Variants in METTL15 observed in about 807,000 individuals in gnomAD.
METTL15 encodes the protein 12S rRNA N(4)-cytidine methyltransferase METTL15.
METTL15 carries 34 observed loss-of-function variants against 38.3 expected under a neutral mutation model. The observed-to-expected ratio is 0.89, with a 90% CI of 0.68 to 1.18. METTL15 has a LOEUF of 1.18. Among genes scored for constraint, METTL15 ranks in the 50% most tolerant of loss-of-function variants. METTL15 has a pLI of 0.00. For missense variants in METTL15, 438 were observed against 498.4 expected (o/e 0.88, Z 1.15); for synonymous variants, 162 against 170.9 (o/e 0.95, Z 0.41).
chr11:28,407,155 C>T (rs992282707), intron 5 of METTL15, among the ~76,000 whole-genome samples: 7 of 151,864 alleles, frequency 4.6e-5, no homozygotes, highest in Non-Finnish European at 8.8e-5. Flanking sequence ...ACACCTTATA[C>T]AAAAAATAAC....
intron 6 of METTL15, among the ~76,000 whole-genome samples, chr11:28,326,616 G>A (rs564221524): frequency 3.4e-4 from 52 of 151,586 alleles, no homozygotes; most frequent in African/African-American, 8.5e-4. Flanking sequence ...TCACTCTGTC[G>A]CCCAGGCTGG....
chr11:28,182,446 A>G (rs1851327143), intron 3 of METTL15, among the ~76,000 whole-genome samples: 1 of 152,122 alleles, frequency 6.6e-6, no homozygotes, highest in Non-Finnish European at 1.5e-5. Flanking sequence ...GGTGTAAGGA[A>G]GGGGTCCAGT....
At chr11:28,390,826 G>C (rs191580883) in intron 5 of METTL15, among the ~76,000 whole-genome samples, 47 of 152,240 alleles carry the variant, frequency 3.1e-4, no homozygotes, top group African/African-American at 1.1e-3. Context: ...GGGCAGTATA[G>C]CCATTTTCAT....
chr11:28,403,732 A>G (rs1368710250), intron 5 of METTL15, among the ~76,000 whole-genome samples: 1 of 152,112 alleles, frequency 6.6e-6, no homozygotes, highest in African/African-American at 2.4e-5. Context: ...GACTTCAGGA[A>G]CATGACTAAG....
At chr11:28,231,894 G>A (rs1482175643) in intron 4 of METTL15, among the ~76,000 whole-genome samples, 1 of 151,652 alleles carries the variant, frequency 6.6e-6, no homozygotes, top group Non-Finnish European at 1.5e-5. Flanking sequence ...AAGTATTGCT[G>A]TATCTTAACA....
In METTL15 at chr11:28,489,256, C is replaced by CA. The variant is rs553721473; in HGVS notation, c.*425-37221dup. Among the ~76,000 whole-genome samples, 5 of 152,270 alleles carry CA rather than the reference C, an allele frequency of 3.3e-5. No homozygotes were observed. In the South Asian group the frequency reaches 1.0e-3, roughly 32 times the overall value. ...TTTGGTACCCCAGCCCCTTCCTATG[C>CA]AGTGGATATCTTTGATTAATTGAAC... On this transcript the variant is annotated intron_variant and NMD_transcript_variant, in intron 6 of 7. Transcript: ENST00000532947.
intron 5 of METTL15, chr11:28,410,529 A>G (rs766030163): frequency 6.6e-6 from 1 of 152,152 alleles, no homozygotes; most frequent in Non-Finnish European, 1.5e-5. Flanking sequence ...ACACTTGATC[A>G]TCTCAATTGA....
intron 3 of METTL15, among the ~76,000 whole-genome samples, chr11:28,122,530 G>A (rs996223506): frequency 6.6e-6 from 1 of 150,680 alleles, no homozygotes; most frequent in African/African-American, 2.4e-5. Flanking sequence ...CCATAATGAC[G>A]GGTTAACATT....
chr11:28,253,491 T>C (rs551863699), intron 4 of METTL15, among the ~76,000 whole-genome samples: 1 of 152,306 alleles, frequency 6.6e-6, no homozygotes, highest in East Asian at 1.9e-4. Context: ...TTTTAAAATA[T>C]ACAATTAAGT....
intron 4 of METTL15, among the ~76,000 whole-genome samples, chr11:28,226,375 TAAAC>T (rs1389251989): frequency 1.3e-5 from 2 of 151,992 alleles, no homozygotes; most frequent in Non-Finnish European, 2.9e-5. Flanking sequence ...CAGAAAAGAT[TAAAC>T]AAACAAATTA....
chr11:28,460,349 G>C (rs1281594874), intron 6 of METTL15, among the ~76,000 whole-genome samples: 2 of 151,958 alleles, frequency 1.3e-5, no homozygotes, highest in Non-Finnish European at 2.9e-5. Context: ...TTCCTCCATT[G>C]TTACAGCTTG....
intron 3 of METTL15, among the ~76,000 whole-genome samples, chr11:28,139,944 G>A (rs991677930): frequency 9.2e-6 from 1 of 108,716 alleles, no homozygotes; most frequent in Non-Finnish European, 1.9e-5. Flanking sequence ...CTTTTGCCTA[G>A]GCCAGGGGTG....
intron 5 of METTL15, among the ~76,000 whole-genome samples, chr11:28,420,636 A>G (rs1470916956): frequency 6.6e-6 from 1 of 152,166 alleles, no homozygotes; most frequent in Non-Finnish European, 1.5e-5. Context: ...CAATGAAGAG[A>G]TTAATAAGAA....
chr11:28,310,914 CTGGTGGTGGTGGTGG>C (rs1176508624), intron 6 of METTL15, among the ~76,000 whole-genome samples: 3 of 110,128 alleles, frequency 2.7e-5, no homozygotes, highest in East Asian at 2.7e-4. Flanking sequence ...GCTGCTGCTG[CTGGTGGTGGTGGTGG>C]TGGTGGTGGT....
chr11:28,340,564 C>T (rs184089693), intron 3 of METTL15, among the ~76,000 whole-genome samples: 6 of 152,068 alleles, frequency 3.9e-5, no homozygotes, highest in Admixed American at 6.6e-5. Flanking sequence ...AACAAACATA[C>T]GAAAAAAACC....
intron 6 of METTL15, among the ~76,000 whole-genome samples, chr11:28,510,571 G>A (rs1479211561): frequency 2.0e-5 from 3 of 152,122 alleles, no homozygotes; most frequent in Non-Finnish European, 2.9e-5. Flanking sequence ...AATTTTGAAT[G>A]CTATGTGTCA....
At chr11:28,184,396 T>C (rs568060470) in intron 3 of METTL15, among the ~76,000 whole-genome samples, 4 of 152,052 alleles carry the variant, frequency 2.6e-5, no homozygotes, top group Non-Finnish European at 5.9e-5. Flanking sequence ...TGTGGGCATT[T>C]AATGCTATAA....
intron 4 of METTL15, among the ~76,000 whole-genome samples, chr11:28,262,315 A>T (rs931976031): frequency 6.6e-6 from 1 of 151,106 alleles, no homozygotes; most frequent in Admixed American, 6.6e-5. Context: ...ATATATGACT[A>T]CTATGTAATA....
intron 6 of METTL15, among the ~76,000 whole-genome samples, chr11:28,516,561 A>G (rs1266881949): frequency 2.6e-5 from 4 of 152,212 alleles, no homozygotes; most frequent in Admixed American, 6.5e-5. Context: ...ATTAAATTCA[A>G]TTAAGTGCCT....
Sources: gnomAD v4.1 joint callset for allele counts (sites outside exome capture counted in the v4.1 genomes callset) on GRCh38, gnomAD v4.1.1 for gene constraint, MANE v1.5 for transcripts, NCBI Gene and HGNC (gene_info 2026-07-23, HGNC 2026-07-21) for gene names.